The following GLT8D2 variants were observed in gnomAD, a reference collection of about 807,000 sequenced individuals.
GLT8D2 encodes glycosyltransferase 8 domain containing 2.
GLT8D2 carries 45 observed loss-of-function variants against 44.5 expected under a neutral mutation model. The ratio of observed to expected loss-of-function variants is 1.01; its 90% confidence interval spans 0.80 to 1.30. The LOEUF (loss-of-function observed/expected upper bound fraction) is 1.30, where lower values mean the gene tolerates loss of function less well. Among genes scored for constraint, GLT8D2 ranks in the 50% most tolerant of loss-of-function variants. The pLI, the probability that GLT8D2 is intolerant of heterozygous loss-of-function variation, is 0.00. For missense variants in GLT8D2, 400 were observed against 430.4 expected (o/e 0.93, Z 0.62); for synonymous variants, 156 against 157.2 (o/e 0.99, Z 0.06).
chr12:104,013,406 G>A (rs1876125557), intron 4 of GLT8D2, among the ~76,000 whole-genome samples: 1 of 152,032 alleles, frequency 6.6e-6, no homozygotes, highest in African/African-American at 2.4e-5. Flanking sequence ...CTGTCGAAAA[G>A]TATTTCATTG....
At position 104,010,473 on chromosome 12, in the gene GLT8D2, C is replaced by G. The variant is rs557296866; in HGVS notation, c.112+4540G>C. Among the ~76,000 whole-genome samples the G allele has an allele frequency of 2.0e-5, 3 of 152,358 alleles. No homozygotes were observed. The East Asian group carries it at 5.8e-4, about 29-fold the overall frequency. On this transcript the variant is annotated intron_variant, in intron 4 of 10. Coordinates refer to ENST00000360814, the MANE Select transcript of GLT8D2 (RefSeq NM_001384711.1). ...CTACACATAAATTAACACGCACCTTCTCTATGCTGTGGCCTTGCCTATGGT... is the reference window on the plus strand; with the variant it reads ...CTACACATAAATTAACACGCACCTTGTCTATGCTGTGGCCTTGCCTATGGT...
At chr12:104,014,171 C>A in intron 4 of GLT8D2, 1 of 623,536 alleles carries the variant, frequency 1.6e-6, no homozygotes, top group Non-Finnish European at 2.9e-6. Context: ...CAAGATGAAC[C>A]TGAGCAGCAT....
At chr12:104,015,468 G>A (rs891787129) in intron 3 of GLT8D2, among the ~76,000 whole-genome samples, 1 of 149,914 alleles carries the variant, frequency 6.7e-6, no homozygotes, top group East Asian at 2.0e-4. Context: ...TGCACCTGTA[G>A]TCTCAGCTAC....
In GLT8D2 at chr12:104,045,958, TAAGA is replaced by T. The variant is rs141480385; in HGVS notation, c.-164+3933_-164+3936del. The stretch of plus-strand genomic sequence containing the variant: ...AAGAAAAAGAAAGAAAGAAAGAAAA[TAAGA>T]AAGAAAGAAAGAAAGAAAGTGATTG... On this transcript the variant is annotated intron_variant, in intron 1 of 10. Transcript: ENST00000360814. Among the ~76,000 whole-genome samples the T allele has an allele frequency of 7.2e-3, 961 of 132,758 alleles. 7 individuals are homozygous for T. Among genetic ancestry groups the T allele is most frequent in the Middle Eastern group, 0.014 (4 of 278 alleles). 87.1% of individuals were successfully genotyped at this position (132,758 alleles called of 152,430 possible).
At chr12:104,048,222 T>G (rs1313987228) in intron 1 of GLT8D2, among the ~76,000 whole-genome samples, 3 of 152,190 alleles carry the variant, frequency 2.0e-5, no homozygotes, top group Admixed American at 2.0e-4. Context: ...AACAAGTGTG[T>G]CCAGAATAGC....
At chr12:104,027,338 C>A (rs1487612564) in intron 1 of GLT8D2, among the ~76,000 whole-genome samples, 1 of 152,174 alleles carries the variant, frequency 6.6e-6, no homozygotes, top group Non-Finnish European at 1.5e-5. Context: ...CTAGAATGGT[C>A]TTTGGCCATG....
At chr12:104,022,996 G>C (rs982265383) in intron 1 of GLT8D2, among the ~76,000 whole-genome samples, 1 of 152,210 alleles carries the variant, frequency 6.6e-6, no homozygotes, top group East Asian at 1.9e-4. Context: ...TGCTGCTTCA[G>C]AGCATAAAGA....
intron 1 of GLT8D2, among the ~76,000 whole-genome samples, chr12:104,057,507 A>G (rs1882273419): frequency 6.8e-6 from 1 of 146,062 alleles, no homozygotes; most frequent in African/African-American, 2.7e-5. Context: ...GGTGACAAAG[A>G]CCCTGTCTCA....
At chr12:104,016,713 A>AAG (rs1228049785) in intron 3 of GLT8D2, among the ~76,000 whole-genome samples, 1 of 32,494 alleles carries the variant, frequency 3.1e-5, no homozygotes, top group Admixed American at 3.5e-4. Flanking sequence ...GGGAGAGAGA[A>AAG]AGAAAGAAAG....
chr12:104,043,663 C>T (rs541460220), intron 1 of GLT8D2, among the ~76,000 whole-genome samples: 210 of 152,246 alleles, frequency 1.4e-3, no homozygotes, highest in African/African-American at 4.1e-3. Flanking sequence ...GAGGCAGTTT[C>T]GCCATGCTGG....
At chr12:104,039,366 C>A (rs921122193) in intron 1 of GLT8D2, among the ~76,000 whole-genome samples, 1 of 152,058 alleles carries the variant, frequency 6.6e-6, no homozygotes, top group South Asian at 2.1e-4. Flanking sequence ...GCAACCTACA[C>A]AATGGGAGAA....
chr12:103,994,404 G>A lies in GLT8D2; in HGVS notation c.698C>T (p.Ala233Val). 2 of 1,614,004 alleles carry A rather than the reference G, an allele frequency of 1.2e-6. No homozygotes were observed. Among genetic ancestry groups the A allele is most frequent in the Non-Finnish European group, 1.7e-6 (2 of 1,179,948 alleles). The change falls in exon 9 of 11, where the codon GCC (alanine) becomes GTC (valine). Residue 233 changes from alanine (A) to valine (V), a missense_variant. Coordinates refer to ENST00000360814, the MANE Select transcript of GLT8D2 (RefSeq NM_001384711.1). ...TCSFNPGVIVANMTEWKHQRI... is the reference protein window; with the variant it reads ...TCSFNPGVIVVNMTEWKHQRI... ...CTGGTGCTTCCATTCTGTCATGTTG[G>A]CAACAATCACACCAGGATTGAAAGA...
chr12:104,045,957 A>AAG (rs1566213383), intron 1 of GLT8D2, among the ~76,000 whole-genome samples: 5 of 119,388 alleles, frequency 4.2e-5, no homozygotes, highest in African/African-American at 1.3e-4. Context: ...AAGAAAGAAA[A>AAG]TAAGAAAGAA....
At chr12:104,013,639 T>C (rs975837860) in intron 4 of GLT8D2, among the ~76,000 whole-genome samples, 1 of 152,118 alleles carries the variant, frequency 6.6e-6, no homozygotes. Context: ...CAGAAAGAAA[T>C]GCCAGCTTCC....
intron 1 of GLT8D2, among the ~76,000 whole-genome samples, chr12:104,021,932 A>G (rs181697180): frequency 0.075 from 1,739 of 23,046 alleles, 74 homozygotes; most frequent in East Asian, 0.32. Context: ...AAGAAGAAGA[A>G]GAAGAAGAAG....
intron 4 of GLT8D2, among the ~76,000 whole-genome samples, chr12:104,005,278 C>T (rs903766055): frequency 2.0e-5 from 3 of 152,088 alleles, no homozygotes; most frequent in East Asian, 1.9e-4. Context: ...CCATAAAAAC[C>T]CTAGAAGAAA....
chr12:103,994,101 G>GA (rs1363597142), intron 9 of GLT8D2: 3 of 285,270 alleles, frequency 1.1e-5, no homozygotes, highest in African/African-American at 6.5e-5. Context: ...AGCTTACTAG[G>GA]AAAATGTATA....
At chr12:104,009,922 T>C (rs980945925) in intron 4 of GLT8D2, among the ~76,000 whole-genome samples, 1 of 152,186 alleles carries the variant, frequency 6.6e-6, no homozygotes, top group Admixed American at 6.5e-5. Flanking sequence ...TGTGGAACTG[T>C]AAGTCCAATT....
intron 1 of GLT8D2, among the ~76,000 whole-genome samples, chr12:104,056,059 C>T (rs1286890269): frequency 6.6e-6 from 1 of 152,234 alleles, no homozygotes. Context: ...CCCTCTCTCC[C>T]GCATGCGGTA....
Sources: allele counts gnomAD v4.1 joint callset (sites outside exome capture counted in the v4.1 genomes callset), GRCh38; gene constraint gnomAD v4.1.1; transcripts MANE v1.5; gene names NCBI Gene and HGNC (gene_info 2026-07-23, HGNC 2026-07-21).